The following EYS variants were observed in gnomAD, a reference collection of about 807,000 sequenced individuals.
The protein encoded by EYS is protein eyes shut homolog.
In EYS, 250 loss-of-function variants were observed where a neutral mutation model predicts 282.1. That is an observed-to-expected ratio of 0.89 (90% confidence interval 0.80 to 0.98). EYS has a LOEUF of 0.98. Among genes scored for constraint, EYS ranks in the 50% least tolerant of loss-of-function variants. EYS has a pLI of 0.00. For missense variants in EYS, 4,016 were observed against 3,709.0 expected, an observed-to-expected ratio of 1.08 and a Z score of -2.15; for synonymous variants, 1,355 against 1,282.9, an observed-to-expected ratio of 1.06 and a Z score of -1.20.
At chr6:65,151,302 C>T (rs1408940036) in intron 12 of EYS, among the ~76,000 whole-genome samples, 1 of 151,882 alleles carries the variant, frequency 6.6e-6, no homozygotes, top group Non-Finnish European at 1.5e-5. Context: ...TTAGAGAGGG[C>T]TTTTAGGGTC....
chr6:64,224,715 C>G (rs1766204494), intron 31 of EYS, among the ~76,000 whole-genome samples: 2 of 151,794 alleles, frequency 1.3e-5, no homozygotes, highest in Non-Finnish European at 2.9e-5. Context: ...ATTGTGTTTG[C>G]ACAGATGAAA....
intron 1 of EYS, among the ~76,000 whole-genome samples, chr6:65,666,231 T>C (rs1201038979): frequency 2.0e-5 from 3 of 151,904 alleles, no homozygotes. Flanking sequence ...CTCCAAGCTA[T>C]ATAATAGGTT....
At chr6:64,627,525 TACCAAAGTC>T (rs1401731491) in intron 22 of EYS, among the ~76,000 whole-genome samples, 1 of 152,230 alleles carries the variant, frequency 6.6e-6, no homozygotes, top group Non-Finnish European at 1.5e-5. Context: ...TATATAACTT[TACCAAAGTC>T]ACAAGACAAG....
chr6:65,387,381 T>C (rs1418773733), intron 7 of EYS, among the ~76,000 whole-genome samples: 1 of 151,914 alleles, frequency 6.6e-6, no homozygotes, highest in Admixed American at 6.6e-5. Flanking sequence ...ATTTTTAAAG[T>C]TAATTTATAA....
chr6:64,986,247 A>G (rs1770855480), intron 14 of EYS, among the ~76,000 whole-genome samples: 1 of 151,574 alleles, frequency 6.6e-6, no homozygotes, highest in African/African-American at 2.4e-5. Context: ...TATTATTCAA[A>G]GAAATCTTGT....
chr6:65,204,262 G>C (rs2150247680), intron 12 of EYS, among the ~76,000 whole-genome samples: 1 of 152,070 alleles, frequency 6.6e-6, no homozygotes, highest in Admixed American at 6.6e-5. Flanking sequence ...ACAGTCATAA[G>C]ATTATACAAA....
At chr6:64,852,807 G>T (rs909579227) in intron 19 of EYS, among the ~76,000 whole-genome samples, 1 of 152,078 alleles carries the variant, frequency 6.6e-6, no homozygotes, top group Non-Finnish European at 1.5e-5. Context: ...GAAGCAAGGA[G>T]AGAGTCATGG....
intron 22 of EYS, among the ~76,000 whole-genome samples, chr6:64,717,149 G>A (rs1771425722): frequency 6.6e-6 from 1 of 152,106 alleles, no homozygotes; most frequent in Non-Finnish European, 1.5e-5. Flanking sequence ...AGATGGAAGT[G>A]GTAAATAAAA....
intron 29 of EYS, among the ~76,000 whole-genome samples, chr6:64,342,941 C>T (rs949672348): frequency 2.0e-5 from 3 of 151,650 alleles, no homozygotes; most frequent in Admixed American, 2.0e-4. Flanking sequence ...AACCAACAAA[C>T]ATCAAAAGAG....
intron 26 of EYS, among the ~76,000 whole-genome samples, chr6:64,462,821 T>C (rs1425322694): frequency 6.6e-6 from 1 of 152,144 alleles, no homozygotes; most frequent in African/African-American, 2.4e-5. Context: ...GTAAATTATT[T>C]CATTATCTTT....
chr6:63,781,611 C>T (rs1562023321), intron 39 of EYS, among the ~76,000 whole-genome samples: 2 of 152,174 alleles, frequency 1.3e-5, no homozygotes, highest in Admixed American at 6.5e-5. Flanking sequence ...TATCCTGAGA[C>T]TTTGCTGAAG....
chr6:64,636,022 A>C (rs1405442180), intron 22 of EYS, among the ~76,000 whole-genome samples: 1 of 152,096 alleles, frequency 6.6e-6, no homozygotes, highest in Non-Finnish European at 1.5e-5. Context: ...GTCTATTCAG[A>C]GATTCAACTT....
chr6:63,830,074 T>C (rs1412442646), intron 36 of EYS, among the ~76,000 whole-genome samples: 2 of 152,112 alleles, frequency 1.3e-5, no homozygotes, highest in Non-Finnish European at 2.9e-5. Flanking sequence ...GTCACCATCA[T>C]CAAAGACCAA....
intron 26 of EYS, among the ~76,000 whole-genome samples, chr6:64,567,721 T>TAA (rs1470759292): frequency 5.9e-5 from 9 of 152,174 alleles, no homozygotes; most frequent in Non-Finnish European, 1.3e-4. Context: ...AAGAAAATTA[T>TAA]AACATATGGT....
chr6:63,852,671 C>A (rs975302796), intron 36 of EYS, among the ~76,000 whole-genome samples: 1 of 152,042 alleles, frequency 6.6e-6, no homozygotes, highest in Non-Finnish European at 1.5e-5. Flanking sequence ...CTGGCAGAGA[C>A]ACAACAAAAA....
intron 14 of EYS, among the ~76,000 whole-genome samples, chr6:64,993,056 G>A (rs1771121471): frequency 6.6e-6 from 1 of 151,986 alleles, no homozygotes. Context: ...GGAGCATGGA[G>A]ATACCATATA....
At chr6:64,723,718 G>A (rs147006510) in intron 22 of EYS, among the ~76,000 whole-genome samples, 94 of 152,286 alleles carry the variant, frequency 6.2e-4, no homozygotes, top group African/African-American at 2.1e-3. Context: ...TGTGAGCATC[G>A]CTGAAAGCCT....
intron 33 of EYS, among the ~76,000 whole-genome samples, chr6:64,013,410 A>G (rs1417681208): frequency 6.6e-6 from 1 of 152,190 alleles, no homozygotes; most frequent in Non-Finnish European, 1.5e-5. Context: ...TTACAATTAC[A>G]CAAATATAAA....
chr6:64,919,604 A>G (rs1259795645), intron 15 of EYS, among the ~76,000 whole-genome samples: 3 of 152,016 alleles, frequency 2.0e-5, no homozygotes, highest in Non-Finnish European at 4.4e-5. Context: ...TTTATAAGTC[A>G]ATTATTTCAA....
Sources: gnomAD v4.1 joint callset for allele counts (sites outside exome capture counted in the v4.1 genomes callset) on GRCh38, gnomAD v4.1.1 for gene constraint, MANE v1.5 for transcripts, NCBI Gene and HGNC (gene_info 2026-07-23, HGNC 2026-07-21) for gene names.